The following FUT8 variants were observed in gnomAD, a reference collection of about 807,000 sequenced individuals.
FUT8 encodes the protein fucosyltransferase 8.
Under a neutral mutation model 71.3 loss-of-function variants are expected in FUT8, and 29 were observed. The observed-to-expected ratio is 0.41, with a 90% CI of 0.30 to 0.55. The LOEUF is 0.55. Among genes scored for constraint, FUT8 ranks in the 20% least tolerant of loss-of-function variants. The probability of loss-of-function intolerance (pLI) is 0.34; values close to 1 mark genes in which losing one functional copy is unlikely to be tolerated. For missense variants in FUT8, 544 were observed against 702.1 expected, an observed-to-expected ratio of 0.77 and a Z score of 2.55; for synonymous variants, 254 against 239.3, an observed-to-expected ratio of 1.06 and a Z score of -0.57.
chr14:65,531,990 A>G (rs1259882049), intron 2 of FUT8, among the ~76,000 whole-genome samples: 1 of 152,118 alleles, frequency 6.6e-6, no homozygotes, highest in East Asian at 1.9e-4. Context: ...TGTTGTGTAT[A>G]TGTACCACAT....
At chr14:65,673,343 A>G (rs1205015482) in intron 7 of FUT8, among the ~76,000 whole-genome samples, 2 of 152,242 alleles carry the variant, frequency 1.3e-5, no homozygotes, top group African/African-American at 4.8e-5. Context: ...CTAGATACCT[A>G]TGCTGTACTA....
upstream of FUT8, chr14:65,411,849 G>T: frequency 2.8e-6 from 1 of 356,438 alleles, no homozygotes; most frequent in Non-Finnish European, 5.5e-6. Context: ...GGCCTCGGCG[G>T]CACCCCTCGT....
At chr14:65,512,737 C>T (rs894631984) in intron 2 of FUT8, among the ~76,000 whole-genome samples, 13 of 151,638 alleles carry the variant, frequency 8.6e-5, no homozygotes, top group Non-Finnish European at 1.5e-4. Context: ...GGTGAAACCC[C>T]GTCTCTATTA....
chr14:65,386,255 C>T, the FUT8 span, among the ~76,000 whole-genome samples: 3 of 151,476 alleles, frequency 2.0e-5, no homozygotes, highest in East Asian at 2.0e-4. Context: ...TGCAGTGAGT[C>T]GAGATGGTGC....
intron 2 of FUT8, chr14:65,468,158 T>A (rs552870214): frequency 1.9e-4 from 121 of 639,558 alleles, no homozygotes; most frequent in Middle Eastern, 7.9e-4. Flanking sequence ...CTGCAGACTC[T>A]TCCAGTTTTG....
chr14:65,395,654 G>A, the FUT8 span, among the ~76,000 whole-genome samples: 1 of 152,356 alleles, frequency 6.6e-6, no homozygotes, highest in East Asian at 1.9e-4. Context: ...CTGGGTCCAG[G>A]CCATGAAACC....
At chr14:65,637,551 G>A (rs544231321) in intron 6 of FUT8, among the ~76,000 whole-genome samples, 1 of 152,116 alleles carries the variant, frequency 6.6e-6, no homozygotes, top group Admixed American at 6.5e-5. Context: ...GCCCATTTCA[G>A]GTGAATAAAG....
At chr14:65,488,714 A>C (rs908086727) in intron 2 of FUT8, 2 of 152,242 alleles carry the variant, frequency 1.3e-5, no homozygotes, top group African/African-American at 4.8e-5. Context: ...TCCTCTTGTA[A>C]TGCTTGCTTA....
chr14:65,661,920 T>C lies in FUT8; in HGVS notation c.598-7323T>C, dbSNP rs545464488. 3.5e-3 allele frequency among the ~76,000 whole-genome samples: 531 copies of C among 152,368 alleles called. 2 individuals carry two copies. The highest frequency in any genetic ancestry group is 0.012 in the African/African-American group (504 of 41,594). On this transcript the variant is annotated intron_variant, in intron 6 of 10. Coordinates refer to ENST00000673929, the MANE Select transcript of FUT8 (RefSeq NM_001371533.1). ...TATCTCAGCGTTATGATGGTGTGTT[T>C]ACTGAATTAGTAATCATTTATTTCT...
chr14:65,644,563 G>A lies in FUT8; in HGVS notation c.597+14957G>A, dbSNP rs533122011. On this transcript the variant is annotated intron_variant, in intron 6 of 10. Transcript: ENST00000673929. ...TTTTTAGTAGAGACGGGGTTTCACC[G>A]TGTTAGCCAGGATGGTCTCGATCTC... Among the ~76,000 whole-genome samples the A allele has an allele frequency of 1.5e-3, 222 of 151,808 alleles. 1 individual carries two copies. Among genetic ancestry groups the A allele is most frequent in the African/African-American group, 4.7e-3 (197 of 41,506 alleles).
At chr14:65,544,752 G>A (rs1172769979) in intron 2 of FUT8, among the ~76,000 whole-genome samples, 1 of 152,006 alleles carries the variant, frequency 6.6e-6, no homozygotes, top group African/African-American at 2.4e-5. Context: ...CAGTGAATTA[G>A]TATTTTGTAT....
At chr14:65,404,168 ATTTG>A in the FUT8 span, among the ~76,000 whole-genome samples, 510 of 132,540 alleles carry the variant, frequency 3.8e-3, 1 homozygote, top group Middle Eastern at 0.011. Flanking sequence ...GCGGGGCCAG[ATTTG>A]TTTGTTTGTT....
intron 2 of FUT8, among the ~76,000 whole-genome samples, chr14:65,538,411 A>G (rs1884473973): frequency 6.6e-6 from 1 of 152,084 alleles, no homozygotes; most frequent in Non-Finnish European, 1.5e-5. Context: ...CTGTTCTTTC[A>G]GTGCCTTCCC....
rs745645710 is a variant in FUT8 at position 65,487,564 on chromosome 14, C to CAAA, written c.-228+31865_-228+31867dup. On this transcript the variant is annotated intron_variant, in intron 2 of 10. Coordinates refer to ENST00000673929, the MANE Select transcript of FUT8 (RefSeq NM_001371533.1). ...TGAGCAGCAGAGTGAGACTCCGTCT[C>CAAA]AAAAAAAAAAAAAAAAAAAAACTCA... Among the ~76,000 whole-genome samples, 74 of 64,404 alleles carry CAAA rather than the reference C, an allele frequency of 1.1e-3. No individual in the cohort carries two copies. The South Asian group carries it at 0.014, about 12-fold the overall frequency. 42.3% of individuals were successfully genotyped at this position (64,404 alleles called of 152,430 possible).
intron 2 of FUT8, among the ~76,000 whole-genome samples, chr14:65,541,172 G>A (rs1269955403): frequency 6.6e-6 from 1 of 152,166 alleles, no homozygotes; most frequent in East Asian, 1.9e-4. Context: ...TTTCCTGAGG[G>A]AGAGGTTGAG....
intron 5 of FUT8, among the ~76,000 whole-genome samples, chr14:65,624,630 C>G (rs1889801270): frequency 6.6e-6 from 1 of 152,232 alleles, no homozygotes; most frequent in Non-Finnish European, 1.5e-5. Flanking sequence ...GTATCTGTTC[C>G]TGTGCATTCG....
chr14:65,548,084 C>G (rs1885074870), intron 2 of FUT8, among the ~76,000 whole-genome samples: 5 of 151,800 alleles, frequency 3.3e-5, no homozygotes, highest in Admixed American at 3.3e-4. Flanking sequence ...TTGAATGTCC[C>G]CAGATGAGGA....
At chr14:65,648,059 C>G (rs932577070) in intron 6 of FUT8, among the ~76,000 whole-genome samples, 1 of 152,138 alleles carries the variant, frequency 6.6e-6, no homozygotes, top group Non-Finnish European at 1.5e-5. Flanking sequence ...AAACTACCAC[C>G]CTTAGGCCAA....
At chr14:65,408,182 C>T (rs2065094512), upstream of FUT8, among the ~76,000 whole-genome samples, 1 of 152,224 alleles carries the variant, frequency 6.6e-6, no homozygotes, top group East Asian at 1.9e-4. Flanking sequence ...GCTGCTCTAC[C>T]TTGTCCTTTT....
Sources: allele counts gnomAD v4.1 joint callset (sites outside exome capture counted in the v4.1 genomes callset), GRCh38; gene constraint gnomAD v4.1.1; transcripts MANE v1.5; gene names NCBI Gene and HGNC (gene_info 2026-07-23, HGNC 2026-07-21).